Variants in ALDH7A1 observed in about 807,000 individuals in gnomAD.
ALDH7A1 encodes the protein aldehyde dehydrogenase 7 family member A1, also known as alpha-aminoadipic semialdehyde dehydrogenase.
A neutral mutation model predicts 79.9 loss-of-function variants in ALDH7A1; 63 were observed. The observed-to-expected ratio is 0.79, with a 90% CI of 0.64 to 0.97. ALDH7A1 has a LOEUF of 0.97. ALDH7A1 is among the 50% of genes least tolerant of loss of function. ALDH7A1 has a pLI of 0.00. For missense variants in ALDH7A1, 627 were observed against 665.2 expected, an observed-to-expected ratio of 0.94 and a Z score of 0.63; for synonymous variants, 240 against 231.2, an observed-to-expected ratio of 1.04 and a Z score of -0.34.
chr5:126,592,486 A>G (rs1751584280), intron 3 of ALDH7A1, 178 bp downstream of exon 3: 3 of 633,804 alleles, frequency 4.7e-6, no homozygotes, highest in African/African-American at 1.8e-5. Flanking sequence ...GCACTACCCT[A>G]GAAATATGGC....
chr5:126,576,559 G>A (rs1750977016), intron 6 of ALDH7A1, among the ~76,000 whole-genome samples: 1 of 151,824 alleles, frequency 6.6e-6, no homozygotes, highest in South Asian at 2.1e-4. Flanking sequence ...CAGATATTTT[G>A]CAGAGTTGAA....
intron 9 of ALDH7A1, among the ~76,000 whole-genome samples, chr5:126,563,578 C>T (rs904205481): frequency 6.6e-6 from 1 of 152,048 alleles, no homozygotes; most frequent in Non-Finnish European, 1.5e-5. Context: ...CAAATCTCCG[C>T]CTCCTGGGTT....
Position 126,546,385 on chromosome 5 carries a change from T to A in ALDH7A1, c.1504A>T (p.Thr502Ser). Reference protein sequence around the residue: ...IGGAFGGEKHTGGGRESGSDA... With the variant: ...IGGAFGGEKHSGGGRESGSDA... ...CTGCCAGACTCCCTGCCACCACCAG[T>A]GTGCTTTTCTCCTCCTAGAGAAATA... The change falls in exon 17 of 18, where the codon ACT (threonine) becomes TCT (serine). Residue 502 changes from threonine (T) to serine (S), a missense_variant. Transcript: ENST00000409134. 6.2e-7 allele frequency: 1 copy of A among 1,614,136 alleles called. No individual in the cohort carries two copies. The highest frequency in any genetic ancestry group is 8.5e-7 in the Non-Finnish European group (1 of 1,180,004).
chr5:126,560,234 G>A (rs893507334), intron 10 of ALDH7A1, among the ~76,000 whole-genome samples: 1 of 152,200 alleles, frequency 6.6e-6, no homozygotes, highest in African/African-American at 2.4e-5. Flanking sequence ...CACTTTGGGA[G>A]GCCAAGGCAG....
chr5:126,579,616 G>A (rs1047366812), intron 5 of ALDH7A1, among the ~76,000 whole-genome samples: 13 of 151,610 alleles, frequency 8.6e-5, no homozygotes, highest in Admixed American at 2.6e-4. Flanking sequence ...TAAAGCCAAA[G>A]TTACCCCAAA....
At position 126,544,824 on chromosome 5, in the gene ALDH7A1, G is replaced by A; in HGVS notation, c.*141C>T. The A allele has an allele frequency of 1.4e-6, 1 of 701,064 alleles. No homozygotes were observed. Among genetic ancestry groups the A allele is most frequent in the South Asian group, 1.6e-5 (1 of 62,386 alleles). 43.4% of individuals were successfully genotyped at this position (701,064 alleles called of 1,614,324 possible). ...AAAAAGGAATCTCTTGATTTAATCA[G>A]GGCTTTGGGGTCATAGGGGGATTAG... is the stretch of plus-strand genomic sequence containing the variant. On this transcript the variant is annotated 3_prime_UTR_variant, in exon 18 of 18. Transcript: ENST00000409134.
At chr5:126,564,214 C>T (rs10038571) in intron 9 of ALDH7A1, 147,747 of 175,702 alleles carry the variant, frequency 0.84, 62,229 homozygotes, top group African/African-American at 0.88. Context: ...TGGAATGCAG[C>T]AGTGCAATCT....
chr5:126,554,661 GA>G lies in ALDH7A1; in HGVS notation c.1094-269del, dbSNP rs764837881. 2.2e-5 allele frequency: 10 copies of G among 461,314 alleles called. No homozygotes were observed. The East Asian group carries it at 4.4e-4, about 20-fold the overall frequency. 28.6% of individuals were successfully genotyped at this position (461,314 alleles called of 1,614,324 possible). A position where few individuals can be genotyped will look rare whatever the true frequency, so the allele number is the denominator to read the frequency against. On this transcript the variant is annotated intron_variant, in intron 12 of 17. Coordinates refer to ENST00000409134, the MANE Select transcript of ALDH7A1 (RefSeq NM_001182.5). Reference sequence around the variant, plus strand: ...ATGCAAATGAGTGGGTATGTGCCGAGAAACTTTTTTTTACAGAAACAGGCAG... The same window carrying G: ...ATGCAAATGAGTGGGTATGTGCCGAGAACTTTTTTTTACAGAAACAGGCAG...
In ALDH7A1 at chr5:126,550,129, G is replaced by C. The variant is rs183394282; in HGVS notation, c.1415+67C>G. The C allele has an allele frequency of 1.5e-4, 226 of 1,552,332 alleles. 3 individuals are homozygous for C. The East Asian group carries it at 2.7e-3, about 18-fold the overall frequency. The stretch of plus-strand genomic sequence containing the variant: ...GAAAAACTGATTTTAGACTACAGCA[G>C]TTTTTTTAAGTCCACTCACCACATA... On this transcript the variant is annotated intron_variant, in intron 15 of 17. Coordinates refer to ENST00000409134, the MANE Select transcript of ALDH7A1 (RefSeq NM_001182.5).
chr5:126,585,074 G>T (rs933426957), intron 3 of ALDH7A1, among the ~76,000 whole-genome samples: 7 of 152,260 alleles, frequency 4.6e-5, no homozygotes, highest in African/African-American at 1.7e-4. Flanking sequence ...GAGGCAGGTG[G>T]ATCACTTGGG....
chr5:126,590,008 TG>T (rs1645788999), intron 3 of ALDH7A1, among the ~76,000 whole-genome samples: 1 of 131,692 alleles, frequency 7.6e-6, no homozygotes, highest in Admixed American at 7.3e-5. Context: ...GCCCACTGTC[TG>T]GGAAGTGAGG....
chr5:126,542,415 A>C lies in ALDH7A1; in HGVS notation c.*2550T>G, dbSNP rs907096929. ...ATGGTGGCACACTCCTGTAATCCCA[A>C]CAACTCAAGAGGCTGAGGCAGGAGG... On this transcript the variant is annotated 3_prime_UTR_variant, in exon 18 of 18. Transcript: ENST00000409134. The C allele has an allele frequency of 6.6e-6, 1 of 152,252 alleles. No homozygotes were observed. The highest frequency in any genetic ancestry group is 1.5e-5 in the Non-Finnish European group (1 of 68,128). 9.4% of individuals were successfully genotyped at this position (152,252 alleles called of 1,614,324 possible).
intron 5 of ALDH7A1, chr5:126,581,491 G>T (rs1394028498): frequency 2.6e-5 from 4 of 151,588 alleles, no homozygotes; most frequent in African/African-American, 9.7e-5. Flanking sequence ...AAAATAGCCA[G>T]GTATGGTGGC....
At chr5:126,593,101 C>T (rs1751606198) in intron 2 of ALDH7A1, among the ~76,000 whole-genome samples, 3 of 152,230 alleles carry the variant, frequency 2.0e-5, no homozygotes, top group Non-Finnish European at 4.4e-5. Context: ...CCTGCCTAAT[C>T]TTTCTACGCT....
rs1045483506 is a variant in ALDH7A1, at chr5:126,563,988, T to C, written c.872-2864A>G. Among the ~76,000 whole-genome samples the C allele has an allele frequency of 4.6e-5, 7 of 151,968 alleles. No homozygotes were observed. The South Asian group carries it at 1.5e-3, about 32-fold the overall frequency. On this transcript the variant is annotated intron_variant, in intron 9 of 17. Transcript: ENST00000409134. The stretch of plus-strand genomic sequence containing the variant: ...TGTTTTAAGAGACAGGTTTTCACAA[T>C]GTTGCCCAGGCTCTGGTCTCATTCC...
intron 5 of ALDH7A1, among the ~76,000 whole-genome samples, chr5:126,580,589 T>C (rs575613163): frequency 6.7e-6 from 1 of 149,652 alleles, no homozygotes; most frequent in African/African-American, 2.5e-5. Flanking sequence ...GAGAAAAATA[T>C]GATTTTTTAA....
intron 3 of ALDH7A1, chr5:126,589,124 A>T (rs1217467686): frequency 2.0e-5 from 3 of 152,002 alleles, no homozygotes; most frequent in African/African-American, 7.2e-5. Flanking sequence ...TTTTTCTGTA[A>T]ATTTAAAACT....
intron 11 of ALDH7A1, among the ~76,000 whole-genome samples, chr5:126,556,702 A>T (rs1176854137): frequency 2.6e-5 from 4 of 152,114 alleles, no homozygotes; most frequent in Non-Finnish European, 5.9e-5. Context: ...AACTACAAAC[A>T]CTTAACCCCA....
chr5:126,583,869 G>A, intron 4 of ALDH7A1, 63 bp downstream of exon 4: 37 of 1,304,192 alleles, frequency 2.8e-5, no homozygotes, highest in South Asian at 1.6e-4. Context: ...TTTATATATA[G>A]AAAAGCATGA....
Sources: gnomAD v4.1 joint callset for allele counts (sites outside exome capture counted in the v4.1 genomes callset) on GRCh38, gnomAD v4.1.1 for gene constraint, MANE v1.5 for transcripts, NCBI Gene and HGNC (gene_info 2026-07-23, HGNC 2026-07-21) for gene names.